The following KIF13B variants were observed in gnomAD, a reference collection of about 807,000 sequenced individuals.
KIF13B encodes kinesin-like protein KIF13B.
A neutral mutation model predicts 222.0 loss-of-function variants in KIF13B; 127 were observed. That is an observed-to-expected ratio of 0.57 (90% CI 0.50 to 0.66). KIF13B has a LOEUF of 0.66. Among genes scored for constraint, KIF13B ranks in the 30% least tolerant of loss-of-function variants. The pLI is 0.00. For synonymous variants in KIF13B, 976 were observed against 919.0 expected, an observed-to-expected ratio of 1.06 and a Z score of -1.12; for missense variants, 2,173 against 2,379.0, an observed-to-expected ratio of 0.91 and a Z score of 1.80.
chr8:29,182,175 G>A (rs1226828670), intron 6 of KIF13B, among the ~76,000 whole-genome samples, 169 bp from the exon 7 acceptor site: 4 of 152,194 alleles, frequency 2.6e-5, no homozygotes, highest in Admixed American at 6.5e-5. Flanking sequence ...TCTTCACTGC[G>A]AAGAAAACTT....
Position 29,148,570 on chromosome 8 carries a change from T to G in KIF13B, c.1813+7A>C. On this transcript the variant is annotated splice_region_variant and intron_variant, in intron 16 of 39. Transcript: ENST00000524189. ...CTGATTCTCAAGTGCACGCCCGACT[T>G]GCTCACCATTGCTGCCCAGGGCCTT... 2 of 1,584,914 alleles carry G rather than the reference T, an allele frequency of 1.3e-6. No homozygotes were observed.
Position 29,245,331 on chromosome 8 carries a change from T to C in KIF13B, c.149+15A>G, listed in dbSNP as rs760013497. 1 of 1,551,682 alleles carries C rather than the reference T, an allele frequency of 6.4e-7. No individual in the cohort carries two copies. The highest frequency in any genetic ancestry group is 1.8e-5 in the Admixed American group (1 of 55,350). On this transcript the variant is annotated intron_variant, in intron 2 of 39. Transcript: ENST00000524189. Reference sequence around the variant, plus strand: ...CTTAAACATCCATTGAGCACAGCACTGTTTCTTAACTCACCGGGCATCTCC... The same window carrying C: ...CTTAAACATCCATTGAGCACAGCACCGTTTCTTAACTCACCGGGCATCTCC...
At chr8:29,188,903 G>A (rs1395840645) in intron 4 of KIF13B, among the ~76,000 whole-genome samples, 2 of 152,152 alleles carry the variant, frequency 1.3e-5, no homozygotes, top group Non-Finnish European at 2.9e-5. Flanking sequence ...ATAAATATCT[G>A]AAATTTATAC....
At chr8:29,230,510 G>T (rs1357646864) in intron 2 of KIF13B, among the ~76,000 whole-genome samples, 3 of 152,168 alleles carry the variant, frequency 2.0e-5, no homozygotes, top group Admixed American at 6.5e-5. Flanking sequence ...CACAGCAAGA[G>T]AATCCCTGAG....
intron 2 of KIF13B, among the ~76,000 whole-genome samples, chr8:29,225,032 G>A (rs1486290959): frequency 6.6e-6 from 1 of 152,220 alleles, no homozygotes; most frequent in East Asian, 1.9e-4. Context: ...AAGGAAAAAA[G>A]TGGAGAGAAG....
chr8:29,073,845 A>G (rs1313579751), intron 38 of KIF13B, among the ~76,000 whole-genome samples: 3 of 152,174 alleles, frequency 2.0e-5, no homozygotes, highest in Non-Finnish European at 4.4e-5. Context: ...TCTTGAGATT[A>G]ACAGCCCATT....
In KIF13B at chr8:29,167,549, C is replaced by A. The variant is rs1455048993; in HGVS notation, c.982G>T (p.Ala328Ser). 6.2e-7 allele frequency: 1 copy of A among 1,613,894 alleles called. No homozygotes were observed. Among genetic ancestry groups the A allele is most frequent in the African/African-American group, 1.3e-5 (1 of 74,932 alleles). ...TTATCAGCTGCAGGACTCACAGTAG[C>A]CACCATGGCGGTCTTGCTGTTACCC... Reference protein sequence around the residue: ...LGGNSKTAMVATVSPAADNYD... With the variant: ...LGGNSKTAMVSTVSPAADNYD... The change falls in exon 11 of 40, where the codon GCT becomes TCT. Residue 328 changes from alanine to serine, a missense_variant. This residue lies in a region of KIF13B where 1,480 missense variants were observed against 1,722.8 expected (regional missense o/e 0.86). Transcript: ENST00000524189.
At chr8:29,178,276 G>C (rs1554613724) in intron 8 of KIF13B, among the ~76,000 whole-genome samples, 1 of 149,276 alleles carries the variant, frequency 6.7e-6, no homozygotes, top group African/African-American at 2.4e-5. Flanking sequence ...TTGCAATTCT[G>C]ACATAAAAAA....
At chr8:29,183,168 G>T (rs202084257) in intron 6 of KIF13B, among the ~76,000 whole-genome samples, 4,758 of 117,156 alleles carry the variant, frequency 0.041, 119 homozygotes, top group Admixed American at 0.082. Context: ...CTTAAAGTTT[G>T]TTTTTTTTTT....
At chr8:29,122,765 C>T in intron 28 of KIF13B, 119 bp from the exon 29 acceptor site, 1 of 768,158 alleles carries the variant, frequency 1.3e-6, no homozygotes, top group Admixed American at 2.3e-5. Flanking sequence ...ATAACCCTGG[C>T]CCTGATTTTA....
At chr8:29,138,389 T>A (rs563288977) in intron 21 of KIF13B, 1 of 147,780 alleles carries the variant, frequency 6.8e-6, no homozygotes, top group East Asian at 2.0e-4. Context: ...GCAACATTTA[T>A]CCTTCCTTTT....
intron 2 of KIF13B, among the ~76,000 whole-genome samples, chr8:29,228,649 C>G (rs916806183): frequency 5.3e-5 from 8 of 151,834 alleles, no homozygotes; most frequent in African/African-American, 1.5e-4. Flanking sequence ...ACATCTGTCT[C>G]AAGGGAAACT....
intron 33 of KIF13B, 45 bp downstream of exon 33, chr8:29,109,873 G>GC: frequency 6.3e-7 from 1 of 1,592,466 alleles, no homozygotes; most frequent in Non-Finnish European, 8.6e-7. Context: ...GACTCAGCCT[G>GC]CATCAGGGCC....
intron 2 of KIF13B, among the ~76,000 whole-genome samples, chr8:29,214,003 G>A (rs1238035505): frequency 3.3e-5 from 5 of 151,996 alleles, no homozygotes; most frequent in African/African-American, 9.7e-5. Flanking sequence ...GTAAAAATAC[G>A]ATACAAAAGA....
At chr8:29,215,405 C>A (rs557786930) in intron 2 of KIF13B, among the ~76,000 whole-genome samples, 1 of 152,094 alleles carries the variant, frequency 6.6e-6, no homozygotes, top group Non-Finnish European at 1.5e-5. Context: ...AACAGTATGC[C>A]GACCAGGTGT....
chr8:29,253,855 A>C (rs1275533286), intron 1 of KIF13B, among the ~76,000 whole-genome samples: 29 of 149,136 alleles, frequency 1.9e-4, no homozygotes, highest in Non-Finnish European at 3.0e-4. Flanking sequence ...AAAAAAAAAA[A>C]CCCGCTTAAG....
chr8:29,196,158 A>G (rs1259259757), intron 3 of KIF13B, 29 bp downstream of exon 3: 1 of 1,547,794 alleles, frequency 6.5e-7, no homozygotes, highest in Admixed American at 1.9e-5. Context: ...GATCTTTACA[A>G]GCATCACATA....
intron 37 of KIF13B, among the ~76,000 whole-genome samples, chr8:29,081,002 T>G (rs1014228279): frequency 2.0e-5 from 3 of 152,202 alleles, no homozygotes; most frequent in African/African-American, 7.2e-5. Context: ...CCATGTCCCA[T>G]GTCGCTCGCC....
At chr8:29,240,197 C>A (rs538475185) in intron 2 of KIF13B, among the ~76,000 whole-genome samples, 1 of 150,464 alleles carries the variant, frequency 6.6e-6, no homozygotes, top group Non-Finnish European at 1.5e-5. Flanking sequence ...GAAACTTTTT[C>A]GAGTCACCCT....
Sources: gnomAD v4.1 joint callset for allele counts (sites outside exome capture counted in the v4.1 genomes callset) on GRCh38, gnomAD v4.1.1 for gene constraint, gnomAD v4.1.1 regional missense constraint, MANE v1.5 for transcripts, NCBI Gene and HGNC (gene_info 2026-07-23, HGNC 2026-07-21) for gene names.